The following BBS9 variants were observed in gnomAD, a reference collection of about 807,000 sequenced individuals.
BBS9 encodes protein PTHB1.
BBS9 carries 89 observed loss-of-function variants against 117.7 expected under a neutral mutation model. That is an observed-to-expected ratio of 0.76 (90% confidence interval 0.64 to 0.90). The LOEUF (loss-of-function observed/expected upper bound fraction) is 0.90, where lower values mean the gene tolerates loss of function less well. Ranked by LOEUF, BBS9 falls within the 40% of genes least tolerant of loss-of-function variation. The probability of loss-of-function intolerance (pLI) is 0.00; values close to 1 mark genes in which losing one functional copy is unlikely to be tolerated. For missense variants in BBS9, 982 were observed against 1,042.2 expected, an observed-to-expected ratio of 0.94 and a Z score of 0.80; for synonymous variants, 379 against 370.9, an observed-to-expected ratio of 1.02 and a Z score of -0.25.
At chr7:33,193,752 T>C (rs1321967069) in intron 5 of BBS9, among the ~76,000 whole-genome samples, 1 of 152,194 alleles carries the variant, frequency 6.6e-6, no homozygotes, top group Non-Finnish European at 1.5e-5. Context: ...GTGATTTTGC[T>C]AAGCATCTTG....
chr7:33,289,493 A>C (rs967554758), intron 9 of BBS9, among the ~76,000 whole-genome samples: 1 of 152,212 alleles, frequency 6.6e-6, no homozygotes, highest in African/African-American at 2.4e-5. Context: ...GAGAAAAGTT[A>C]TGGCTTGTGA....
intron 21 of BBS9, among the ~76,000 whole-genome samples, chr7:33,603,924 T>G (rs1291062644): frequency 2.6e-5 from 4 of 152,168 alleles, no homozygotes; most frequent in African/African-American, 4.8e-5. Flanking sequence ...ATTTGAATGA[T>G]GTGGTTTTGA....
chr7:33,627,255 C>T (rs1055311476), intron 21 of BBS9, among the ~76,000 whole-genome samples: 4 of 152,236 alleles, frequency 2.6e-5, no homozygotes, highest in African/African-American at 9.6e-5. Context: ...GCTTTGGTTT[C>T]CACACGATGT....
chr7:33,303,636 G>A (rs1807055899), intron 9 of BBS9, among the ~76,000 whole-genome samples: 1 of 150,706 alleles, frequency 6.6e-6, no homozygotes, highest in Admixed American at 6.7e-5. Context: ...CACCTGCCGA[G>A]TGTCTGGGAT....
chr7:33,393,291 G>T (rs1827370017), intron 19 of BBS9, among the ~76,000 whole-genome samples: 1 of 152,198 alleles, frequency 6.6e-6, no homozygotes, highest in African/African-American at 2.4e-5. Flanking sequence ...GTTATGGTCA[G>T]TTCTTTGAAG....
rs145385875 is a variant in BBS9 at position 33,264,338 on chromosome 7, T to A, written c.666T>A (p.Thr222=). 6.5e-5 allele frequency: 102 copies of A among 1,581,292 alleles called. No individual in the cohort carries two copies. In the African/African-American group the frequency reaches 1.2e-3, roughly 18 times the overall value. Residue 222 remains threonine, a synonymous_variant, in exon 7 of 23, where the codon ACT becomes ACA. Transcript: ENST00000242067. ...FATDADKRQE[T]EQQKLGSGKR... ...CAGATGCAGATAAAAGGCAGGAGAC[T>A]GAACAGCAAAAACTTGGTTCTGGAA...
At chr7:33,461,518 G>A (rs1282905561) in intron 19 of BBS9, among the ~76,000 whole-genome samples, 3 of 151,328 alleles carry the variant, frequency 2.0e-5, no homozygotes, top group Non-Finnish European at 4.4e-5. Flanking sequence ...TCTCAGGAGA[G>A]TTTGTAAGAC....
intron 21 of BBS9, among the ~76,000 whole-genome samples, chr7:33,535,955 G>A (rs73690907): frequency 0.029 from 4,383 of 151,828 alleles, 185 homozygotes; most frequent in African/African-American, 0.096. Flanking sequence ...TGTCTTAGTC[G>A]TTTTTGTTTA....
At chr7:33,564,271 G>A (rs1009583739) in intron 21 of BBS9, among the ~76,000 whole-genome samples, 4 of 152,076 alleles carry the variant, frequency 2.6e-5, no homozygotes, top group South Asian at 2.1e-4. Flanking sequence ...CCTGTAATTC[G>A]TCTTGCATGT....
chr7:33,445,705 G>A (rs547546867), intron 19 of BBS9, among the ~76,000 whole-genome samples: 45 of 152,154 alleles, frequency 3.0e-4, no homozygotes, highest in Admixed American at 5.2e-4. Context: ...TAATCCCCAT[G>A]TGTTGAGGGA....
intron 21 of BBS9, among the ~76,000 whole-genome samples, chr7:33,538,834 A>C (rs1242557557): frequency 6.6e-6 from 1 of 151,676 alleles, no homozygotes; most frequent in African/African-American, 2.4e-5. Flanking sequence ...TGGACTTCTC[A>C]TCAGAAGTAT....
chr7:33,610,729 A>G (rs577229118), downstream of BBS9, among the ~76,000 whole-genome samples: 4 of 152,200 alleles, frequency 2.6e-5, no homozygotes, highest in East Asian at 5.8e-4. Flanking sequence ...TAAATATACT[A>G]TAGGTCTTCT....
intron 9 of BBS9, among the ~76,000 whole-genome samples, chr7:33,303,188 A>G (rs550404391): frequency 2.0e-4 from 31 of 152,282 alleles, no homozygotes; most frequent in African/African-American, 7.0e-4. Flanking sequence ...TTTTCTGAAT[A>G]TAAGATCTTA....
intron 21 of BBS9, among the ~76,000 whole-genome samples, chr7:33,578,605 T>C (rs1026268639): frequency 6.6e-6 from 1 of 152,180 alleles, no homozygotes; most frequent in Non-Finnish European, 1.5e-5. Flanking sequence ...AGAAGTTACA[T>C]AGGAAGTTGA....
chr7:33,427,992 A>T (rs1272679145), intron 19 of BBS9, among the ~76,000 whole-genome samples: 1 of 152,166 alleles, frequency 6.6e-6, no homozygotes, highest in Admixed American at 6.5e-5. Flanking sequence ...GTATGTATGT[A>T]TGACTTCAAT....
chr7:33,555,079 A>G (rs1855084626), intron 21 of BBS9, among the ~76,000 whole-genome samples: 1 of 152,208 alleles, frequency 6.6e-6, no homozygotes, highest in Non-Finnish European at 1.5e-5. Flanking sequence ...TCTCTTTCCT[A>G]TAAAGTTTTA....
chr7:33,423,917 A>G (rs548057352), intron 19 of BBS9, among the ~76,000 whole-genome samples: 1 of 152,336 alleles, frequency 6.6e-6, no homozygotes, highest in Non-Finnish European at 1.5e-5. Flanking sequence ...TGAAGCAAAT[A>G]AAATGAAAAG....
chr7:33,495,349 C>G (rs565854085), intron 19 of BBS9, among the ~76,000 whole-genome samples: 1 of 152,292 alleles, frequency 6.6e-6, no homozygotes, highest in Admixed American at 6.5e-5. Flanking sequence ...TCCATCATTT[C>G]CCTTCACTGG....
chr7:33,200,455 T>G (rs1283459060), intron 5 of BBS9, among the ~76,000 whole-genome samples: 1 of 152,188 alleles, frequency 6.6e-6, no homozygotes, highest in Non-Finnish European at 1.5e-5. Context: ...CATACTTTGT[T>G]TGAATTATGT....
Sources: gnomAD v4.1 joint callset for allele counts (sites outside exome capture counted in the v4.1 genomes callset) on GRCh38, gnomAD v4.1.1 for gene constraint, MANE v1.5 for transcripts, NCBI Gene and HGNC (gene_info 2026-07-23, HGNC 2026-07-21) for gene names.